WASHC2C: variants seen among roughly 807,000 people sequenced by gnomAD.
WASHC2C encodes the protein Vaccinia Penetration Factor.
In WASHC2C, 73 loss-of-function variants were observed where a neutral mutation model predicts 142.2. That is an observed-to-expected ratio of 0.51 (90% CI 0.43 to 0.62). The LOEUF (loss-of-function observed/expected upper bound fraction) is 0.62, where lower values mean the gene tolerates loss of function less well. Among genes scored for constraint, WASHC2C ranks in the 20% least tolerant of loss-of-function variants. WASHC2C has a pLI of 0.00. For missense variants in WASHC2C, 969 were observed against 1,531.7 expected, an observed-to-expected ratio of 0.63 and a Z score of 6.13; for synonymous variants, 337 against 565.5, an observed-to-expected ratio of 0.60 and a Z score of 5.73.
intron 4 of WASHC2C, among the ~76,000 whole-genome samples, chr10:45,739,712 C>G (rs1398097298): frequency 1.1e-4 from 16 of 151,796 alleles, no homozygotes; most frequent in South Asian, 1.0e-3. Context: ...AACCAGGGCT[C>G]GTGGGATAGT....
In WASHC2C at chr10:45,750,162, A is replaced by G. The variant is rs782109009; in HGVS notation, c.799A>G (p.Lys267Glu). The G allele has an allele frequency of 2.5e-6, 4 of 1,611,472 alleles. No homozygotes were observed. The highest frequency in any genetic ancestry group is 2.2e-5 in the South Asian group (2 of 90,964). Residue 267 changes from lysine to glutamate, a missense_variant, in exon 9 of 31, where the codon AAG becomes GAG. Transcript: ENST00000623400. Reference protein sequence around the residue: ...DGCDLFADSEKEEEDIEDIEE... With the variant: ...DGCDLFADSEEEEEDIEDIEE... ...CTGTGACCTTTTTGCTGACTCTGAG[A>G]AGGAGGAGGAAGATATTGAGGACAT...
intron 19 of WASHC2C, among the ~76,000 whole-genome samples, chr10:45,768,907 A>G (rs2135338636): frequency 6.6e-6 from 1 of 152,098 alleles, no homozygotes; most frequent in East Asian, 1.9e-4. Context: ...GGGAAGAGAC[A>G]TCGTGGCAGG....
At chr10:45,747,354 G>C (rs1434738464) in intron 8 of WASHC2C, among the ~76,000 whole-genome samples, 1 of 152,106 alleles carries the variant, frequency 6.6e-6, no homozygotes, top group Non-Finnish European at 1.5e-5. Flanking sequence ...ATGTTGGCCA[G>C]GCTGGTCTCG....
chr10:45,733,574 A>G (rs1455563645), intron 3 of WASHC2C, among the ~76,000 whole-genome samples: 1 of 152,272 alleles, frequency 6.6e-6, no homozygotes, highest in Non-Finnish European at 1.5e-5. Context: ...AGCATTGGTT[A>G]TCTGCTGGAT....
intron 23 of WASHC2C, among the ~76,000 whole-genome samples, chr10:45,781,004 T>C (rs2057462153): frequency 6.6e-6 from 1 of 151,660 alleles, no homozygotes; most frequent in Non-Finnish European, 1.5e-5. Context: ...TCCACCTGCC[T>C]TAGCCTCCCG....
At position 45,789,428 on chromosome 10, in the gene WASHC2C, G is replaced by C; in HGVS notation, c.3645G>C (p.Lys1215Asn). The C allele has an allele frequency of 1.2e-6, 2 of 1,612,034 alleles. No individual in the cohort carries two copies. Among genetic ancestry groups the C allele is most frequent in the South Asian group, 2.2e-5 (2 of 90,992 alleles). ...EDDLFTDQKV[K>N]KNETKSSSQQ... is the part of the protein sequence containing the mutation. ...ACCTCTTTACAGATCAGAAAGTCAA[G>C]AAGAATGAGACAAAATCCAGTAGTC... The change falls in exon 29 of 31, where the codon AAG becomes AAC. Residue 1215 changes from lysine to asparagine, a missense_variant. Lys to Asn is a moderately conservative substitution (Grantham distance 94). Transcript: ENST00000623400.
intron 18 of WASHC2C, among the ~76,000 whole-genome samples, chr10:45,765,317 C>CG (rs1396466786): frequency 6.6e-6 from 1 of 150,886 alleles, no homozygotes; most frequent in African/African-American, 2.5e-5. Context: ...CTGGCTGCTG[C>CG]GGGGGCTCCC....
At position 45,750,826 on chromosome 10, in the gene WASHC2C, G is replaced by A. The variant is rs367973237; in HGVS notation, c.919G>A (p.Glu307Lys). Residue 307 changes from glutamate (E) to lysine (K), a missense_variant, in exon 10 of 31, where the codon GAG becomes AAG. Transcript: ENST00000623400. ...GGGGGATGCCATGGGTCGAGTGGACGAGGAGCCGACAAGTGAGCCCCAGCC... is the reference window on the plus strand; with the variant it reads ...GGGGGATGCCATGGGTCGAGTGGACAAGGAGCCGACAAGTGAGCCCCAGCC... ...IKGDAMGRVD[E>K]EPTTLPSGEA... 6.6e-5 allele frequency: 102 copies of A among 1,548,344 alleles called. 4 individuals are homozygous for A. The highest frequency in any genetic ancestry group is 5.8e-4 in the African/African-American group (42 of 72,006).
chr10:45,746,494 T>C (rs1475709076), intron 7 of WASHC2C, 106 bp from the exon 8 acceptor site: 1 of 1,334,466 alleles, frequency 7.5e-7, no homozygotes, highest in Non-Finnish European at 1.1e-6. Flanking sequence ...GAGCTTTTTC[T>C]CCACTTGACA....
chr10:45,733,204 G>A (rs1376873333), intron 3 of WASHC2C, among the ~76,000 whole-genome samples: 1 of 152,088 alleles, frequency 6.6e-6, no homozygotes, highest in Non-Finnish European at 1.5e-5. Context: ...TCTTACAATT[G>A]TAATTTTACA....
chr10:45,758,817 A>G (rs1273740421), intron 16 of WASHC2C, among the ~76,000 whole-genome samples: 3 of 149,794 alleles, frequency 2.0e-5, no homozygotes, highest in African/African-American at 7.4e-5. Flanking sequence ...CCAAACCATC[A>G]TTCTTTTTGA....
intron 3 of WASHC2C, among the ~76,000 whole-genome samples, chr10:45,734,918 G>A (rs71496635): frequency 3.1e-3 from 463 of 151,630 alleles, no homozygotes; most frequent in Middle Eastern, 6.9e-3. Flanking sequence ...CCTAGAGAGG[G>A]ATTTCATTTT....
At chr10:45,776,172 T>C (rs2057062043) in intron 21 of WASHC2C, among the ~76,000 whole-genome samples, 1 of 152,086 alleles carries the variant, frequency 6.6e-6, no homozygotes, top group African/African-American at 2.4e-5. Context: ...TCTTCTTTCT[T>C]CATTCATCAC....
intron 30 of WASHC2C, among the ~76,000 whole-genome samples, chr10:45,791,352 C>T (rs1453447829): frequency 1.3e-5 from 2 of 150,544 alleles, no homozygotes; most frequent in Non-Finnish European, 3.0e-5. Flanking sequence ...TCATGCAATT[C>T]AGAAAATGTA....
intron 20 of WASHC2C, among the ~76,000 whole-genome samples, chr10:45,770,240 CAAAAAA>C (rs552574113): frequency 2.4e-5 from 2 of 83,158 alleles, no homozygotes. Flanking sequence ...GACTCCATCT[CAAAAAA>C]AAAAAAAAAA....
In WASHC2C at chr10:45,755,075, C is replaced by G. The variant is rs189629786; in HGVS notation, c.1380C>G (p.Asp460Glu). ...ATGATGATGATGGTGATGATGATGA[C>G]GACTTTTTCTCGGCACCCCACAGCA... Reference protein sequence around the residue: ...LFDDDDGDDDDDFFSAPHSKP... With the variant: ...LFDDDDGDDDEDFFSAPHSKP... Residue 460 changes from aspartate (D) to glutamate (E), a missense_variant, in exon 15 of 31, where the codon GAC (aspartate) becomes GAG (glutamate). Physicochemically the swap from Asp to Glu is conservative, Grantham distance 45. Transcript: ENST00000623400. 4,768 of 1,611,316 alleles carry G rather than the reference C, an allele frequency of 3.0e-3. 136 individuals are homozygous for G. The African/African-American group carries it at 0.054, about 18-fold the overall frequency.
chr10:45,787,396 A>G, intron 28 of WASHC2C, 149 bp downstream of exon 28: 3 of 1,462,694 alleles, frequency 2.1e-6, no homozygotes, highest in Non-Finnish European at 1.9e-6. Context: ...TCCCCCCTCC[A>G]TTCTCCCCAC....
At chr10:45,732,209 A>G (rs1420563913) in intron 3 of WASHC2C, among the ~76,000 whole-genome samples, 3 of 152,202 alleles carry the variant, frequency 2.0e-5, no homozygotes, top group Non-Finnish European at 4.4e-5. Flanking sequence ...GAAACATTCA[A>G]AGTCAGATAG....
At chr10:45,739,796 A>G (rs1216803589) in intron 4 of WASHC2C, among the ~76,000 whole-genome samples, 3 of 152,124 alleles carry the variant, frequency 2.0e-5, no homozygotes, top group Non-Finnish European at 2.9e-5. Flanking sequence ...ATACTTCTCC[A>G]CACACTAGTT....
Sources: gnomAD v4.1 joint callset for allele counts (sites outside exome capture counted in the v4.1 genomes callset) on GRCh38, gnomAD v4.1.1 for gene constraint, MANE v1.5 for transcripts, NCBI Gene and HGNC (gene_info 2026-07-23, HGNC 2026-07-21) for gene names.